Variants in DNAJC6 observed in about 807,000 individuals in gnomAD.
DNAJC6 encodes the protein DnaJ heat shock protein family (Hsp40) member C6.
Under a neutral mutation model 110.0 loss-of-function variants are expected in DNAJC6, and 34 were observed. That is an observed-to-expected ratio of 0.31 (90% CI 0.24 to 0.41). DNAJC6 has a LOEUF of 0.41. Ranked by LOEUF, DNAJC6 falls within the 10% of genes least tolerant of loss-of-function variation. The pLI, the probability that DNAJC6 is intolerant of heterozygous loss-of-function variation, is 1.00. For synonymous variants in DNAJC6, 406 were observed against 437.2 expected (o/e 0.93, Z 0.89); for missense variants, 1,031 against 1,207.8 (o/e 0.85, Z 2.17).
At chr1:65,307,269 T>G (rs1455795156), upstream of DNAJC6, among the ~76,000 whole-genome samples, 1 of 151,910 alleles carries the variant, frequency 6.6e-6, no homozygotes, top group Non-Finnish European at 1.5e-5. Flanking sequence ...TTAATATGCT[T>G]CTTATATCTT....
chr1:65,374,711 T>C (rs1645742696), intron 4 of DNAJC6, among the ~76,000 whole-genome samples: 1 of 152,190 alleles, frequency 6.6e-6, no homozygotes, highest in Admixed American at 6.5e-5. Context: ...AGCCATAAGA[T>C]CATGTTGAGT....
intron 1 of DNAJC6, among the ~76,000 whole-genome samples, chr1:65,326,845 C>G (rs1235175494): frequency 6.6e-6 from 1 of 152,144 alleles, no homozygotes; most frequent in African/African-American, 2.4e-5. Context: ...TTCTAAATTC[C>G]AGGAGGAAAG....
intron 15 of DNAJC6, among the ~76,000 whole-genome samples, chr1:65,404,301 A>G (rs1646055544): frequency 6.6e-6 from 1 of 152,208 alleles, no homozygotes. Context: ...ATAATATATA[A>G]CGTCTCTTTG....
intron 1 of DNAJC6, among the ~76,000 whole-genome samples, chr1:65,363,145 T>A (rs1645613667): frequency 6.6e-6 from 1 of 152,138 alleles, no homozygotes; most frequent in South Asian, 2.1e-4. Context: ...GAGAACAGCA[T>A]GGGGAAAATC....
chr1:65,348,454 C>T (rs1359824896), intron 1 of DNAJC6, among the ~76,000 whole-genome samples: 8 of 152,096 alleles, frequency 5.3e-5, no homozygotes, highest in Non-Finnish European at 1.0e-4. Flanking sequence ...ATTTTTGCTT[C>T]ATATACTTAG....
At chr1:65,340,955 A>T (rs1326390206) in intron 1 of DNAJC6, among the ~76,000 whole-genome samples, 1 of 152,172 alleles carries the variant, frequency 6.6e-6, no homozygotes, top group Admixed American at 6.5e-5. Flanking sequence ...GGCTATTCTG[A>T]TGCGTAGCCT....
Position 65,385,717 on chromosome 1 carries a change from T to G in DNAJC6, c.806T>G (p.Leu269Arg). The change falls in exon 7 of 19, where the codon CTG becomes CGG. Residue 269 changes from leucine to arginine, a missense_variant. By Grantham distance (102) the Leu-to-Arg change is moderately radical. Coordinates refer to ENST00000371069, the MANE Select transcript of DNAJC6 (RefSeq NM_001256864.2). The part of the protein sequence containing the change: ...IGLSPSHRRY[L>R]GYMCDLLADK... The stretch of plus-strand genomic sequence containing the variant: ...GTGCCAACCTTCTGTTTCAGATACC[T>G]GGGCTATATGTGTGACCTACTGGCA... 6.3e-7 allele frequency: 1 copy of G among 1,597,046 alleles called. No homozygotes were observed. Among genetic ancestry groups the G allele is most frequent in the Non-Finnish European group, 8.6e-7 (1 of 1,167,524 alleles).
At chr1:65,387,548 A>T (rs755892118) in intron 8 of DNAJC6, among the ~76,000 whole-genome samples, 1 of 152,200 alleles carries the variant, frequency 6.6e-6, no homozygotes, top group Non-Finnish European at 1.5e-5. Context: ...GAATCATACA[A>T]TATGTGGCCT....
intron 1 of DNAJC6, among the ~76,000 whole-genome samples, chr1:65,346,830 C>T (rs1415954369): frequency 4.6e-5 from 7 of 152,002 alleles, no homozygotes; most frequent in Non-Finnish European, 8.8e-5. Flanking sequence ...CCCTTCAGCC[C>T]ATTTCCATCC....
intron 1 of DNAJC6, among the ~76,000 whole-genome samples, chr1:65,333,574 C>A (rs368286289): frequency 1.2e-4 from 18 of 152,060 alleles, no homozygotes; most frequent in African/African-American, 4.3e-4. Flanking sequence ...GATTCCAACC[C>A]GTATGTTATT....
At chr1:65,379,972 A>G (rs1287414014) in intron 5 of DNAJC6, among the ~76,000 whole-genome samples, 2 of 152,222 alleles carry the variant, frequency 1.3e-5, no homozygotes, top group African/African-American at 4.8e-5. Flanking sequence ...GAGCATTCCC[A>G]GTGAGACTAA....
At chr1:65,348,545 T>G (rs1158806271) in intron 1 of DNAJC6, among the ~76,000 whole-genome samples, 2 of 152,146 alleles carry the variant, frequency 1.3e-5, no homozygotes, top group African/African-American at 4.8e-5. Flanking sequence ...TCTGTAATAT[T>G]GTCTTGAAAT....
At chr1:65,405,833 A>G (rs1344456161) in intron 15 of DNAJC6, 37 bp from the exon 16 acceptor site, 1 of 1,550,914 alleles carries the variant, frequency 6.4e-7, no homozygotes, top group East Asian at 2.3e-5. Context: ...AGGCCACTCA[A>G]AATAGTTTTA....
In DNAJC6 at chr1:65,414,645, A is replaced by T. The variant is rs1646155793; in HGVS notation, c.*1620A>T. ...ATTATTTATTTTACCTTTTACTGAC[A>T]ATGTGAAACTCGAAGAAAATGTTCT... On this transcript the variant is annotated 3_prime_UTR_variant, in exon 19 of 19. Coordinates refer to ENST00000371069, the MANE Select transcript of DNAJC6 (RefSeq NM_001256864.2). 1 of 152,634 alleles carries T rather than the reference A, an allele frequency of 6.6e-6. No homozygotes were observed. Among genetic ancestry groups the T allele is most frequent in the African/African-American group, 2.4e-5 (1 of 41,464 alleles). The allele number at this position is 152,634 out of a possible 1,614,324, so 9.5% of individuals were successfully genotyped here.
chr1:65,412,870 A>G (rs777332135), intron 18 of DNAJC6, 54 bp from the exon 19 acceptor site: 62 of 1,421,202 alleles, frequency 4.4e-5, no homozygotes, highest in Non-Finnish European at 5.4e-5. Context: ...AAAATTTAAT[A>G]TTAATGAAAT....
At chr1:65,279,571 A>G (rs979742738) in intron 1 of DNAJC6, 11 of 152,232 alleles carry the variant, frequency 7.2e-5, no homozygotes, top group African/African-American at 2.7e-4. Context: ...TCTAATATAT[A>G]TACACATACA....
chr1:65,277,871 A>C (rs1468478806), intron 1 of DNAJC6, among the ~76,000 whole-genome samples: 10 of 152,182 alleles, frequency 6.6e-5, no homozygotes, highest in Non-Finnish European at 1.5e-4. Context: ...CTGGCTCTGG[A>C]GCTTCTAAGT....
chr1:65,411,316 C>A lies in DNAJC6; in HGVS notation c.2701C>A (p.Leu901Ile). ...CCTTCTTTCCACGATGCATACCGTACTATGGGCTGGGGAGACCAAGTGGAA... is the reference window on the plus strand; with the variant it reads ...CCTTCTTTCCACGATGCATACCGTAATATGGGCTGGGGAGACCAAGTGGAA... ...RALLSTMHTV[L>I]WAGETKWKPV... Residue 901 changes from leucine to isoleucine, a missense_variant, in exon 18 of 19, where the codon CTA becomes ATA. Coordinates refer to ENST00000371069, the MANE Select transcript of DNAJC6 (RefSeq NM_001256864.2). 6.2e-7 allele frequency: 1 copy of A among 1,614,148 alleles called. No homozygotes were observed. Among genetic ancestry groups the A allele is most frequent in the Non-Finnish European group, 8.5e-7 (1 of 1,180,018 alleles).
At chr1:65,372,847 AT>A (rs1474537247) in intron 4 of DNAJC6, among the ~76,000 whole-genome samples, 2 of 152,130 alleles carry the variant, frequency 1.3e-5, no homozygotes, top group Admixed American at 6.6e-5. Flanking sequence ...ACACTTGAAC[AT>A]TTTTTTCTTT....
Sources: gnomAD v4.1 joint callset for allele counts (sites outside exome capture counted in the v4.1 genomes callset) on GRCh38, gnomAD v4.1.1 for gene constraint, MANE v1.5 for transcripts, NCBI Gene and HGNC (gene_info 2026-07-23, HGNC 2026-07-21) for gene names.